TRANK1: variants seen among roughly 807,000 people sequenced by gnomAD.
TRANK1 encodes the protein tetratricopeptide repeat and ankyrin repeat containing 1.
In TRANK1, 198 loss-of-function variants were observed where a neutral mutation model predicts 266.0. The observed-to-expected ratio is 0.74, with a 90% CI of 0.66 to 0.84. TRANK1 has a LOEUF of 0.84. Ranked by LOEUF, TRANK1 falls within the 40% of genes least tolerant of loss-of-function variation. The pLI, the probability that TRANK1 is intolerant of heterozygous loss-of-function variation, is 0.00. For synonymous variants in TRANK1, 1,396 were observed against 1,384.1 expected, an observed-to-expected ratio of 1.01 and a Z score of -0.19; for missense variants, 3,326 against 3,634.6, an observed-to-expected ratio of 0.92 and a Z score of 2.18.
At position 36,832,149 on chromosome 3, in the gene TRANK1, GA is replaced by G. The variant is rs781220220; in HGVS notation, c.7433del (p.Leu2478ProfsTer38). ...GCAAGAGTGCAATGTAGCTCTTGGG[GA>G]GGCATAGAATGACATTCTTCCAGAG... ...ARLWKNVILCLPKSYIALLHY... is the reference protein window; with the variant it reads ...ARLWKNVILCXPKSYIALLHY... On this transcript the variant is annotated frameshift_variant, in exon 22 of 24. Coordinates refer to ENST00000645898, the MANE Select transcript of TRANK1 (RefSeq NM_001329998.2). LOFTEE classifies it high-confidence loss of function. 1.1e-4 allele frequency: 185 copies of G among 1,613,854 alleles called. No individual in the cohort carries two copies. The highest frequency in any genetic ancestry group is 1.5e-4 in the Non-Finnish European group (181 of 1,179,900).
At chr3:36,875,674 A>G (rs1485054927) in intron 8 of TRANK1, among the ~76,000 whole-genome samples, 1 of 152,266 alleles carries the variant, frequency 6.6e-6, no homozygotes, top group African/African-American at 2.4e-5. Context: ...CCTAACCTCC[A>G]GGGTATCAAC....
At chr3:36,874,378 T>G in intron 8 of TRANK1, 82 bp from the exon 9 acceptor site, 1 of 1,449,982 alleles carries the variant, frequency 6.9e-7, no homozygotes, top group Non-Finnish European at 9.2e-7. Flanking sequence ...CTTCTCAGTC[T>G]CCTCCCAAGC....
At chr3:36,902,256 G>C (rs915386439) in intron 3 of TRANK1, among the ~76,000 whole-genome samples, 2 of 152,246 alleles carry the variant, frequency 1.3e-5, no homozygotes, top group African/African-American at 2.4e-5. Flanking sequence ...AGAAGTTTAA[G>C]AGTCAGTGTC....
At chr3:36,926,570 A>G (rs1463289509) in intron 1 of TRANK1, among the ~76,000 whole-genome samples, 2 of 152,134 alleles carry the variant, frequency 1.3e-5, no homozygotes, top group East Asian at 3.9e-4. Context: ...CCTCTGCATC[A>G]GAAACTCCAA....
chr3:36,841,920 C>G (rs1223446710), intron 18 of TRANK1, among the ~76,000 whole-genome samples: 1 of 151,694 alleles, frequency 6.6e-6, no homozygotes, highest in African/African-American at 2.4e-5. Context: ...AAAAAGCACT[C>G]TTTTAGTAGG....
intron 8 of TRANK1, among the ~76,000 whole-genome samples, chr3:36,883,580 T>C (rs753365041): frequency 2.0e-5 from 3 of 149,608 alleles, no homozygotes; most frequent in East Asian, 3.9e-4. Flanking sequence ...TGTGTGTTCA[T>C]TGCTGCAAAA....
At chr3:36,829,480 A>G (rs1225800142) in intron 23 of TRANK1, 84 bp downstream of exon 23, 3 of 1,377,168 alleles carry the variant, frequency 2.2e-6, no homozygotes, top group Non-Finnish European at 3.1e-6. Context: ...GGGCTGCCCC[A>G]CTTCAGATTC....
intron 1 of TRANK1, among the ~76,000 whole-genome samples, chr3:36,918,468 GAAGAAAGAAAGAAAGAAAGAAAGAAAGA>G (rs148120910): frequency 0.061 from 1,880 of 31,028 alleles, 222 homozygotes; most frequent in East Asian, 0.32. Context: ...AGAAAGAAAA[GAAGAAAGAAAGAAAGAAAGAAAGAAAGA>G]AAGAAAGAAA....
intron 1 of TRANK1, among the ~76,000 whole-genome samples, chr3:36,930,783 G>C (rs2080351343): frequency 6.6e-6 from 1 of 152,110 alleles, no homozygotes; most frequent in African/African-American, 2.4e-5. Context: ...CAAAAAAAGA[G>C]AGGGGGACTG....
intron 8 of TRANK1, among the ~76,000 whole-genome samples, chr3:36,884,008 A>T (rs1292653978): frequency 6.6e-6 from 1 of 152,258 alleles, no homozygotes; most frequent in East Asian, 1.9e-4. Flanking sequence ...TAGTCAGTAA[A>T]TGTGTTTCTC....
At chr3:36,876,131 C>G (rs748308629) in intron 8 of TRANK1, among the ~76,000 whole-genome samples, 31 of 152,224 alleles carry the variant, frequency 2.0e-4, no homozygotes, top group Non-Finnish European at 3.2e-4. Flanking sequence ...AGTATCCATT[C>G]TCCCTTTTTC....
intron 1 of TRANK1, among the ~76,000 whole-genome samples, chr3:36,917,358 A>C (rs2080140738): frequency 6.6e-6 from 1 of 152,230 alleles, no homozygotes; most frequent in Non-Finnish European, 1.5e-5. Context: ...AATGGGAAAA[A>C]AGAAATATAT....
In TRANK1 at chr3:36,857,279, C is replaced by A; in HGVS notation, c.2443G>T (p.Asp815Tyr). ...NRGKEGNDDQ[D>Y]DWSTQEIEAC... ...TCAATCTCCTGCGTGCTCCAGTCATCCTGATCATCATTGCCCTCCTTCCCC... is the reference window on the plus strand; with the variant it reads ...TCAATCTCCTGCGTGCTCCAGTCATACTGATCATCATTGCCCTCCTTCCCC... The change falls in exon 13 of 24, where the codon GAT (aspartate) becomes TAT (tyrosine). Residue 815 changes from aspartate to tyrosine, a missense_variant. Asp to Tyr is a radical substitution (Grantham distance 160). Coordinates refer to ENST00000645898, the MANE Select transcript of TRANK1 (RefSeq NM_001329998.2). This position sits in a 1 kb window ranked among gnomAD's most constrained non-coding sequence, Gnocchi z 4.3. 6.2e-7 allele frequency: 1 copy of A among 1,610,682 alleles called. No individual in the cohort carries two copies. Among genetic ancestry groups the A allele is most frequent in the Admixed American group, 1.7e-5 (1 of 59,770 alleles).
intron 2 of TRANK1, among the ~76,000 whole-genome samples, chr3:36,904,556 T>C (rs2079934322): frequency 6.6e-6 from 1 of 151,832 alleles, no homozygotes; most frequent in Non-Finnish European, 1.5e-5. Flanking sequence ...GTAAAAATAA[T>C]ACAAATCACT....
Position 36,851,863 on chromosome 3 carries a change from A to G in TRANK1, c.4750-7T>C. 6.3e-7 allele frequency: 1 copy of G among 1,584,826 alleles called. No homozygotes were observed. The highest frequency in any genetic ancestry group is 8.6e-7 in the Non-Finnish European group (1 of 1,167,246). ...CATTGGCCACAAGGATTACCTGAAG[A>G]AAAACAAAAGAACATCAAATTCTAC... On this transcript the variant is annotated splice_polypyrimidine_tract_variant and splice_region_variant and intron_variant, in intron 14 of 23. Transcript: ENST00000645898.
intron 1 of TRANK1, among the ~76,000 whole-genome samples, chr3:36,938,989 T>C (rs918594344): frequency 1.3e-5 from 2 of 150,222 alleles, no homozygotes; most frequent in African/African-American, 4.9e-5. Flanking sequence ...ATACAAAAAT[T>C]AGTCGGGTGT....
chr3:36,869,120 C>G (rs1003144114), intron 9 of TRANK1, among the ~76,000 whole-genome samples: 4 of 152,232 alleles, frequency 2.6e-5, no homozygotes, highest in Non-Finnish European at 4.4e-5. Flanking sequence ...AAGCCTTGCT[C>G]CTCAAAGTGG....
intron 10 of TRANK1, 131 bp from the exon 11 acceptor site, chr3:36,861,291 G>T: frequency 8.6e-7 from 1 of 1,159,106 alleles, no homozygotes; most frequent in South Asian, 1.6e-5. Flanking sequence ...TTTGGGCCAT[G>T]TTGCTTAACC....
chr3:36,832,296 G>T lies in TRANK1; in HGVS notation c.7287C>A (p.Leu2429=), dbSNP rs371072381. Residue 2429 remains leucine, a synonymous_variant, in exon 22 of 24, where the codon CTC becomes CTA. Transcript: ENST00000645898. ...TGAGGACATTCATGAAACGGAAAAA[G>T]AGCCTCTTGTAGTCTTCTGGGTTCC... ...VYRNPEDYKR[L]FFRFMNVLIK... 111 of 1,613,904 alleles carry T rather than the reference G, an allele frequency of 6.9e-5. No homozygotes were observed. Among genetic ancestry groups the T allele is most frequent in the Non-Finnish European group, 9.2e-5 (108 of 1,179,910 alleles).
Sources: gnomAD v4.1 joint callset for allele counts (sites outside exome capture counted in the v4.1 genomes callset) on GRCh38, gnomAD v4.1.1 for gene constraint, Gnocchi (gnomAD v3.1) non-coding constraint, MANE v1.5 for transcripts, NCBI Gene and HGNC (gene_info 2026-07-23, HGNC 2026-07-21) for gene names.